Variants in CMKLR2 observed in about 807,000 individuals in gnomAD.
CMKLR2 encodes chemerin chemokine-like receptor 2.
A neutral mutation model predicts 23.0 loss-of-function variants in CMKLR2; 18 were observed. The ratio of observed to expected loss-of-function variants is 0.78; its 90% CI spans 0.54 to 1.16. CMKLR2 has a LOEUF of 1.16. CMKLR2 is among the 50% of genes most tolerant of loss of function. The probability of loss-of-function intolerance (pLI) is 0.00; values close to 1 mark genes in which losing one functional copy is unlikely to be tolerated. For synonymous variants in CMKLR2, 158 were observed against 158.9 expected (o/e 0.99, Z 0.05); for missense variants, 401 against 412.7 (o/e 0.97, Z 0.25).
At chr2:206,199,557 T>C (rs1398825355) in intron 1 of CMKLR2, among the ~76,000 whole-genome samples, 2 of 151,990 alleles carry the variant, frequency 1.3e-5, no homozygotes, top group Non-Finnish European at 2.9e-5. Flanking sequence ...TTTTAAGCAC[T>C]CTTTTCTTTA....
At chr2:206,215,822 C>G (rs1689735499), upstream of CMKLR2, among the ~76,000 whole-genome samples, 1 of 152,154 alleles carries the variant, frequency 6.6e-6, no homozygotes, top group Non-Finnish European at 1.5e-5. Flanking sequence ...AGATACCAGC[C>G]AGGCTGTTTG....
rs550205579 is a variant in CMKLR2, at chr2:206,176,088, G to A, written c.*92C>T. 35 of 881,378 alleles carry A rather than the reference G, an allele frequency of 4.0e-5. No individual in the cohort carries two copies. The East Asian group carries it at 4.4e-4, about 11-fold the overall frequency. 54.6% of individuals were successfully genotyped at this position (881,378 alleles called of 1,614,324 possible). A position where few individuals can be genotyped will look rare whatever the true frequency, so the allele number is the denominator to read the frequency against. ...AAACAATAACTATGAAAGTGGAGTC[G>A]GCTCTCTATCTTGGAAACAATTTTA... On this transcript the variant is annotated 3_prime_UTR_variant, in exon 2 of 2. Transcript: ENST00000621141.
intron 1 of CMKLR2, among the ~76,000 whole-genome samples, chr2:206,189,089 T>C (rs1688670553): frequency 6.6e-6 from 1 of 152,212 alleles, no homozygotes; most frequent in South Asian, 2.1e-4. Flanking sequence ...TGTTCTGTAT[T>C]GTTGAGTTAG....
At chr2:206,190,492 T>C (rs1688716501) in intron 1 of CMKLR2, among the ~76,000 whole-genome samples, 2 of 152,182 alleles carry the variant, frequency 1.3e-5, no homozygotes, top group African/African-American at 4.8e-5. Context: ...AAGTCGAAGA[T>C]GGAAGGTCCT....
At chr2:206,190,419 A>G (rs1440241797) in intron 1 of CMKLR2, among the ~76,000 whole-genome samples, 2 of 152,182 alleles carry the variant, frequency 1.3e-5, no homozygotes, top group Non-Finnish European at 2.9e-5. Context: ...AGTTTGCAAG[A>G]TGGTTTGGAA....
chr2:206,205,922 C>A (rs2105835871), intron 1 of CMKLR2, among the ~76,000 whole-genome samples: 1 of 152,186 alleles, frequency 6.6e-6, no homozygotes, highest in South Asian at 2.1e-4. Context: ...TGGTCTCGAA[C>A]TCCTGACCTC....
At chr2:206,178,971 TTTTAC>T (rs1446572063) in intron 1 of CMKLR2, among the ~76,000 whole-genome samples, 2 of 151,606 alleles carry the variant, frequency 1.3e-5, no homozygotes, top group Admixed American at 6.6e-5. Flanking sequence ...TATTAATCAG[TTTTAC>T]TTTATTTTTG....
At position 206,206,747 on chromosome 2, in the gene CMKLR2, A is replaced by G. The variant is rs563182722; in HGVS notation, c.-29+6560T>C. On this transcript the variant is annotated intron_variant, in intron 1 of 1. Coordinates refer to ENST00000621141, the MANE Select transcript of CMKLR2 (RefSeq NM_001389445.1). ...TGCCTGGCAAACTGTAGGGCTCAAT[A>G]GTATTTATTGAAGGAAAGACTATTC... is the stretch of plus-strand genomic sequence containing the variant. 2.6e-5 allele frequency among the ~76,000 whole-genome samples: 4 copies of G among 152,278 alleles called. No individual in the cohort carries two copies. In the South Asian group the frequency reaches 8.3e-4, roughly 32 times the overall value.
intron 1 of CMKLR2, among the ~76,000 whole-genome samples, chr2:206,179,655 A>G (rs942654200): frequency 6.6e-6 from 1 of 152,098 alleles, no homozygotes; most frequent in African/African-American, 2.4e-5. Flanking sequence ...TATCAAGACC[A>G]GTTTTTCTGG....
intron 1 of CMKLR2, among the ~76,000 whole-genome samples, chr2:206,191,432 G>T (rs1688743201): frequency 6.6e-6 from 1 of 152,132 alleles, no homozygotes; most frequent in Admixed American, 6.5e-5. Flanking sequence ...TACTTCATGA[G>T]AAGGGTGAGA....
intron 1 of CMKLR2, among the ~76,000 whole-genome samples, chr2:206,208,247 A>G (rs1559098897): frequency 6.6e-6 from 1 of 152,156 alleles, no homozygotes; most frequent in Non-Finnish European, 1.5e-5. Flanking sequence ...CAACAAAACT[A>G]TGTTATGTTT....
chr2:206,213,200 C>G (rs1689633920), intron 1 of CMKLR2, 107 bp downstream of exon 1: 1 of 152,096 alleles, frequency 6.6e-6, no homozygotes, highest in Non-Finnish European at 1.5e-5. Context: ...TTTTTGCCAG[C>G]TGGTAGTTAG....
At chr2:206,187,419 CTG>C (rs1388878991) in intron 1 of CMKLR2, among the ~76,000 whole-genome samples, 1 of 152,216 alleles carries the variant, frequency 6.6e-6, no homozygotes, top group Non-Finnish European at 1.5e-5. Flanking sequence ...CAGACCCAAT[CTG>C]TGGAGATTAG....
intron 1 of CMKLR2, among the ~76,000 whole-genome samples, chr2:206,212,190 T>C (rs1258736128): frequency 1.3e-5 from 2 of 152,312 alleles, no homozygotes; most frequent in Admixed American, 6.5e-5. Context: ...TAAATATTTA[T>C]CTCAGGGACA....
chr2:206,175,541 A>C lies in CMKLR2; in HGVS notation c.*639T>G, dbSNP rs1243109148. On this transcript the variant is annotated 3_prime_UTR_variant, in exon 2 of 2. Coordinates refer to ENST00000621141, the MANE Select transcript of CMKLR2 (RefSeq NM_001389445.1). ...AGACAGAGTTTTACTCTTGTTGCCC[A>C]GGCTGGAGTGCAATGGTGTGATGTT... 2 of 152,088 alleles carry C rather than the reference A, an allele frequency of 1.3e-5. No homozygotes were observed. The highest frequency in any genetic ancestry group is 4.8e-5 in the African/African-American group (2 of 41,418). 9.4% of individuals were successfully genotyped at this position (152,088 alleles called of 1,614,324 possible). A position where few individuals can be genotyped will look rare whatever the true frequency, so the allele number is the denominator to read the frequency against.
chr2:206,210,461 C>CTT (rs35951489), intron 1 of CMKLR2, among the ~76,000 whole-genome samples: 8 of 144,984 alleles, frequency 5.5e-5, no homozygotes, highest in Non-Finnish European at 9.1e-5. Context: ...CATTTTTACT[C>CTT]TTTTTTTTTT....
chr2:206,200,122 G>A (rs1418401650), intron 1 of CMKLR2, among the ~76,000 whole-genome samples: 1 of 152,124 alleles, frequency 6.6e-6, no homozygotes, highest in East Asian at 1.9e-4. Context: ...CCTTCTAAAG[G>A]CCATTAAGAA....
At chr2:206,200,154 T>A (rs1689047763) in intron 1 of CMKLR2, among the ~76,000 whole-genome samples, 2 of 152,018 alleles carry the variant, frequency 1.3e-5, no homozygotes, top group South Asian at 4.2e-4. Context: ...CCGGACGCAG[T>A]GGCTCATGCC....
At position 206,212,710 on chromosome 2, in the gene CMKLR2, G is replaced by T. The variant is rs745778954; in HGVS notation, c.-29+597C>A. Among the ~76,000 whole-genome samples, 9 of 152,172 alleles carry T rather than the reference G, an allele frequency of 5.9e-5. 1 individual carries two copies. The highest frequency in any genetic ancestry group is 1.0e-4 in the Non-Finnish European group (7 of 68,030). ...ATACCAATTATTCTAACAAGAAATT[G>T]ATAGCGAGATTCAAAAAGGCAACAA... On this transcript the variant is annotated intron_variant, in intron 1 of 1. Transcript: ENST00000621141.
Sources: allele counts gnomAD v4.1 joint callset (sites outside exome capture counted in the v4.1 genomes callset), GRCh38; gene constraint gnomAD v4.1.1; transcripts MANE v1.5; gene names NCBI Gene and HGNC (gene_info 2026-07-23, HGNC 2026-07-21).